Variants in GARNL3 observed in about 807,000 individuals in gnomAD.
GARNL3 encodes the protein GTPase activating Rap/RanGAP domain like 3.
Under a neutral mutation model 125.0 loss-of-function variants are expected in GARNL3, and 63 were observed. The ratio of observed to expected loss-of-function variants is 0.50; its 90% CI spans 0.41 to 0.62. GARNL3 has a LOEUF of 0.62. GARNL3 is among the 20% of genes least tolerant of loss of function. The pLI is 0.00. For missense variants in GARNL3, 994 were observed against 1,244.0 expected, an observed-to-expected ratio of 0.80 and a Z score of 3.02; for synonymous variants, 439 against 457.5, an observed-to-expected ratio of 0.96 and a Z score of 0.52.
At chr9:127,342,732 G>C (rs894208588) in intron 14 of GARNL3, among the ~76,000 whole-genome samples, 3 of 151,994 alleles carry the variant, frequency 2.0e-5, no homozygotes, top group Non-Finnish European at 4.4e-5. Context: ...GAAAGACATA[G>C]GGTGCTTTTT....
chr9:127,278,579 A>G (rs1160670376), intron 1 of GARNL3, among the ~76,000 whole-genome samples: 1 of 152,198 alleles, frequency 6.6e-6, no homozygotes, highest in Non-Finnish European at 1.5e-5. Context: ...CCTGCTTTTA[A>G]GTGTCTGAGT....
intron 10 of GARNL3, 141 bp downstream of exon 10, chr9:127,335,474 G>A (rs935894098): frequency 9.0e-6 from 6 of 670,196 alleles, no homozygotes; most frequent in African/African-American, 7.2e-5. Context: ...TTGGCGGTCT[G>A]TATTGGAACT....
Position 127,344,239 on chromosome 9 carries a change from T to C in GARNL3, c.1256T>C (p.Met419Thr). 6.2e-7 allele frequency: 1 copy of C among 1,605,254 alleles called. No individual in the cohort carries two copies. The highest frequency in any genetic ancestry group is 2.2e-5 in the East Asian group (1 of 44,836). Residue 419 changes from methionine (M) to threonine (T), a missense_variant, in exon 15 of 28, where the codon ATG (methionine) becomes ACG (threonine). Met to Thr is a moderately conservative substitution (Grantham distance 81). Around this residue, in one of 5 missense-constraint regions of GARNL3, gnomAD observed 728 missense variants for 865.7 expected, o/e 0.84. Coordinates refer to ENST00000373387, the MANE Select transcript of GARNL3 (RefSeq NM_032293.5). ...QDLMPDLHKN[M>T]LNRRSFSDVL... ...TAACTTGTTTTTCTTTTTTAGAACA[T>C]GCTTAATAGACGATCTTTTAGTGAT...
At chr9:127,386,171 T>C (rs1832532945) in intron 24 of GARNL3, among the ~76,000 whole-genome samples, 1 of 152,246 alleles carries the variant, frequency 6.6e-6, no homozygotes, top group Non-Finnish European at 1.5e-5. Context: ...CTTGGAGTTA[T>C]ATCTCAATCC....
chr9:127,372,370 A>G (rs1392304763), intron 22 of GARNL3, among the ~76,000 whole-genome samples: 2 of 152,174 alleles, frequency 1.3e-5, no homozygotes, highest in Non-Finnish European at 2.9e-5. Flanking sequence ...TGAGGATACA[A>G]GAAGTGTTTC....
intron 1 of GARNL3, among the ~76,000 whole-genome samples, chr9:127,272,116 T>C (rs564092682): frequency 1.3e-5 from 2 of 150,148 alleles, no homozygotes; most frequent in Non-Finnish European, 2.9e-5. Flanking sequence ...TTGAGGACTC[T>C]TGAAGTCTTG....
At chr9:127,313,699 T>G (rs920540183) in intron 4 of GARNL3, 140 bp downstream of exon 4, 1 of 692,612 alleles carries the variant, frequency 1.4e-6, no homozygotes, top group Non-Finnish European at 2.6e-6. Context: ...AAGTTGACAG[T>G]GCCTTTGCCC....
chr9:127,288,381 G>A (rs1024093600), intron 1 of GARNL3, among the ~76,000 whole-genome samples: 3 of 152,204 alleles, frequency 2.0e-5, no homozygotes, highest in African/African-American at 7.2e-5. Context: ...TGGAATAGAG[G>A]TGGGATTGTG....
chr9:127,286,582 C>G (rs2064255677), intron 1 of GARNL3, among the ~76,000 whole-genome samples: 1 of 152,114 alleles, frequency 6.6e-6, no homozygotes, highest in Non-Finnish European at 1.5e-5. Flanking sequence ...CTTCTCAGTT[C>G]TAGTTTTTGG....
At position 127,280,882 on chromosome 9, in the gene GARNL3, A is replaced by T. The variant is rs990554959; in HGVS notation, c.145-10286A>T. 2.6e-5 allele frequency among the ~76,000 whole-genome samples: 4 copies of T among 152,236 alleles called. No individual in the cohort carries two copies. Among genetic ancestry groups the T allele is most frequent in the African/African-American group, 9.6e-5 (4 of 41,456 alleles). On this transcript the variant is annotated intron_variant, in intron 1 of 27. Coordinates refer to ENST00000373387, the MANE Select transcript of GARNL3 (RefSeq NM_032293.5). The surrounding 1 kb of genome is among the most constrained non-coding windows in gnomAD (Gnocchi z 4.5). Reference sequence around the variant, plus strand: ...GAAAGGGTGTTTCTGTAGTGGTAACATGTGACAGATAAGGTGGAGGATGTG... The same window carrying T: ...GAAAGGGTGTTTCTGTAGTGGTAACTTGTGACAGATAAGGTGGAGGATGTG...
At chr9:127,278,040 C>T (rs554598170) in intron 1 of GARNL3, among the ~76,000 whole-genome samples, 2 of 152,052 alleles carry the variant, frequency 1.3e-5, no homozygotes, top group Non-Finnish European at 2.9e-5. Context: ...CTAATAAATT[C>T]TTTTTTCTTA....
At chr9:127,234,413 G>A (rs1183103282) in intron 1 of GARNL3, among the ~76,000 whole-genome samples, 2 of 152,230 alleles carry the variant, frequency 1.3e-5, no homozygotes, top group African/African-American at 4.8e-5. Context: ...TTTACAGTGA[G>A]ACTCACGGCT....
At chr9:127,373,372 G>T (rs896529520) in intron 22 of GARNL3, among the ~76,000 whole-genome samples, 3 of 152,228 alleles carry the variant, frequency 2.0e-5, no homozygotes, top group Non-Finnish European at 4.4e-5. Context: ...TAGGTTAAAT[G>T]TGTAGGTGGT....
At chr9:127,345,368 C>G (rs1392664278) in intron 15 of GARNL3, 35 bp from the exon 16 acceptor site, 4 of 1,372,238 alleles carry the variant, frequency 2.9e-6, no homozygotes, top group Non-Finnish European at 4.0e-6. Flanking sequence ...CTTTTGCCGC[C>G]TAGTAAACTT....
chr9:127,238,326 G>A (rs73599226), intron 1 of GARNL3, among the ~76,000 whole-genome samples: 5,969 of 152,146 alleles, frequency 0.039, 394 homozygotes, highest in African/African-American at 0.14. Context: ...GAGCCCAGTC[G>A]AGCTCCCAGA....
rs373238122 is a variant in GARNL3, at chr9:127,387,290, C to T, written c.2486C>T (p.Pro829Leu). The change falls in exon 25 of 28, where the codon CCG (proline) becomes CTG (leucine). Residue 829 changes from proline to leucine, a missense_variant. Pro to Leu is a moderately conservative substitution (Grantham distance 98). Transcript: ENST00000373387. ...GCCCGAAATTCTCCTCAGACACCCC[C>T]GGGCCGAGATACTCCAGTATTTCCT... ...ASARNSPQTP[P>L]GRDTPVFPSS... 5.3e-5 allele frequency: 86 copies of T among 1,614,014 alleles called. No homozygotes were observed. Among genetic ancestry groups the T allele is most frequent in the Non-Finnish European group, 6.9e-5 (81 of 1,179,990 alleles).
intron 20 of GARNL3, among the ~76,000 whole-genome samples, chr9:127,356,207 G>A (rs187914951): frequency 1.1e-4 from 16 of 152,334 alleles, no homozygotes; most frequent in African/African-American, 3.8e-4. Context: ...AGCTTAGGAG[G>A]CCAAGGGTGG....
chr9:127,375,467 G>GA (rs1176190521), intron 22 of GARNL3, among the ~76,000 whole-genome samples: 3,665 of 77,940 alleles, frequency 0.047, 153 homozygotes, highest in African/African-American at 0.14. Flanking sequence ...CTCTGTCTCA[G>GA]AAAAAAAAAA....
intron 1 of GARNL3, among the ~76,000 whole-genome samples, chr9:127,285,626 A>G (rs937560229): frequency 6.6e-6 from 1 of 152,134 alleles, no homozygotes; most frequent in Non-Finnish European, 1.5e-5. Flanking sequence ...TTACAATTAT[A>G]ATTTTATAAA....
Sources: allele counts gnomAD v4.1 joint callset (sites outside exome capture counted in the v4.1 genomes callset), GRCh38; gene constraint gnomAD v4.1.1; regional missense constraint gnomAD v4.1.1; non-coding constraint Gnocchi (gnomAD v3.1); transcripts MANE v1.5; gene names NCBI Gene and HGNC (gene_info 2026-07-23, HGNC 2026-07-21).